EPB41L2: variants seen among roughly 807,000 people sequenced by gnomAD.
EPB41L2 encodes band 4.1-like protein 2.
A neutral mutation model predicts 113.0 loss-of-function variants in EPB41L2; 43 were observed. That is an observed-to-expected ratio of 0.38 (90% CI 0.30 to 0.49). The LOEUF (loss-of-function observed/expected upper bound fraction) is 0.49, where lower values mean the gene tolerates loss of function less well. EPB41L2 is among the 20% of genes least tolerant of loss of function. EPB41L2 has a pLI of 0.95. For missense variants in EPB41L2, 1,147 were observed against 1,223.4 expected (o/e 0.94, Z 0.93); for synonymous variants, 442 against 436.7 (o/e 1.01, Z -0.15).
At chr6:130,859,219 A>G (rs1271020563) in intron 18 of EPB41L2, among the ~76,000 whole-genome samples, 1 of 152,222 alleles carries the variant, frequency 6.6e-6, no homozygotes, top group East Asian at 1.9e-4. Flanking sequence ...GAACCCTTGA[A>G]GTCTAGGAAA....
chr6:130,915,852 T>G (rs1230457866), intron 4 of EPB41L2, among the ~76,000 whole-genome samples: 1 of 152,174 alleles, frequency 6.6e-6, no homozygotes, highest in Non-Finnish European at 1.5e-5. Context: ...ATGTAAGATG[T>G]GACTTGCTCC....
chr6:130,910,836 G>A (rs1011504550), intron 4 of EPB41L2, among the ~76,000 whole-genome samples: 54 of 152,166 alleles, frequency 3.5e-4, no homozygotes, highest in Non-Finnish European at 6.3e-4. Flanking sequence ...ACCATCTCAC[G>A]CCAGTTAGAA....
At chr6:130,929,578 A>G (rs1372799960) in intron 3 of EPB41L2, among the ~76,000 whole-genome samples, 1 of 152,192 alleles carries the variant, frequency 6.6e-6, no homozygotes, top group Non-Finnish European at 1.5e-5. Flanking sequence ...TTAAGATACC[A>G]GGGAATCAAT....
rs1038113040 is a variant in EPB41L2 at position 130,865,711 on chromosome 6, G to A, written c.2731-77C>T. On this transcript the variant is annotated intron_variant, in intron 16 of 19. Transcript: ENST00000337057. ...TGTCAGAGAAGATCCCCGCCCCATCGAATATGCATCTTTTAAAATCCATGT... is the reference window on the plus strand; with the variant it reads ...TGTCAGAGAAGATCCCCGCCCCATCAAATATGCATCTTTTAAAATCCATGT... 136 of 1,377,078 alleles carry A rather than the reference G, an allele frequency of 9.9e-5. No individual in the cohort carries two copies. The Middle Eastern group carries it at 1.3e-3, about 13-fold the overall frequency. The allele number at this position is 1,377,078 out of a possible 1,614,324, so 85.3% of individuals were successfully genotyped here. A position where few individuals can be genotyped will look rare whatever the true frequency, so the allele number is the denominator to read the frequency against.
intron 11 of EPB41L2, among the ~76,000 whole-genome samples, chr6:130,885,714 G>T (rs1241024863): frequency 3.3e-5 from 5 of 152,046 alleles, no homozygotes; most frequent in Non-Finnish European, 5.9e-5. Flanking sequence ...TTTAAGAATT[G>T]CTCCATAAAG....
chr6:130,951,432 C>A (rs1815043830), intron 3 of EPB41L2, among the ~76,000 whole-genome samples: 1 of 142,084 alleles, frequency 7.0e-6, no homozygotes, highest in African/African-American at 2.6e-5. Context: ...TCAAGTGATT[C>A]TCCTGCCTCA....
At chr6:130,993,723 G>A (rs914134896) in intron 1 of EPB41L2, among the ~76,000 whole-genome samples, 3 of 152,200 alleles carry the variant, frequency 2.0e-5, no homozygotes, top group Admixed American at 1.3e-4. Context: ...TGGGCGTGAG[G>A]AGGGAGGAGT....
intron 3 of EPB41L2, among the ~76,000 whole-genome samples, chr6:130,953,541 T>G (rs958792379): frequency 4.6e-5 from 7 of 151,926 alleles, no homozygotes; most frequent in African/African-American, 1.7e-4. Flanking sequence ...GGGGGAGGGA[T>G]AGCATTAGGA....
At chr6:131,009,646 G>T (rs1786441197) in intron 1 of EPB41L2, among the ~76,000 whole-genome samples, 1 of 147,256 alleles carries the variant, frequency 6.8e-6, no homozygotes, top group African/African-American at 2.5e-5. Context: ...TCTAAACTCT[G>T]TTTAACAAAC....
In EPB41L2 at chr6:130,867,439, C is replaced by T; in HGVS notation, c.2730+20G>A. The T allele has an allele frequency of 1.2e-6, 2 of 1,613,222 alleles. No homozygotes were observed. Among genetic ancestry groups the T allele is most frequent in the South Asian group, 1.1e-5 (1 of 90,980 alleles). ...AAGGGAAAAAAGAGCTCGAACAGTCCAAGTCTAGAGCTTTTGTACCTGTGG... is the reference window on the plus strand; with the variant it reads ...AAGGGAAAAAAGAGCTCGAACAGTCTAAGTCTAGAGCTTTTGTACCTGTGG... On this transcript the variant is annotated intron_variant, in intron 16 of 19. Coordinates refer to ENST00000337057, the MANE Select transcript of EPB41L2 (RefSeq NM_001431.4).
intron 3 of EPB41L2, among the ~76,000 whole-genome samples, chr6:130,954,036 CTTTCTTTTTTTT>C (rs1816350840): frequency 4.8e-4 from 22 of 45,526 alleles, no homozygotes; most frequent in African/African-American, 1.2e-3. Context: ...TAGTCCTTTT[CTTTCTTTTTTTT>C]TTTTTTTTTT....
At chr6:131,055,827 G>A (rs1797474604) in intron 1 of EPB41L2, among the ~76,000 whole-genome samples, 1 of 152,044 alleles carries the variant, frequency 6.6e-6, no homozygotes, top group Admixed American at 6.6e-5. Context: ...TGTGTAGTCT[G>A]TGCTGCAAAA....
chr6:131,023,499 A>C (rs1424251740), intron 1 of EPB41L2, among the ~76,000 whole-genome samples: 1 of 152,068 alleles, frequency 6.6e-6, no homozygotes, highest in Non-Finnish European at 1.5e-5. Context: ...CCTGACCAAC[A>C]TGGGGAAACC....
In EPB41L2 at chr6:130,865,646, TG is replaced by T. The variant is rs752682279; in HGVS notation, c.2731-13del. The T allele has an allele frequency of 2.9e-5, 46 of 1,613,790 alleles. No individual in the cohort carries two copies. Among genetic ancestry groups the T allele is most frequent in the Non-Finnish European group, 3.8e-5 (45 of 1,179,770 alleles). On this transcript the variant is annotated splice_polypyrimidine_tract_variant and intron_variant, in intron 16 of 19. Transcript: ENST00000337057. ...GCCCCGCCATCAATCTTTGGATAGTTGGGGGAAAAATACAAAGTAATGCTTA... is the reference window on the plus strand; with the variant it reads ...GCCCCGCCATCAATCTTTGGATAGTTGGGGAAAAATACAAAGTAATGCTTA...
intron 1 of EPB41L2, among the ~76,000 whole-genome samples, chr6:130,987,528 A>C (rs1780849467): frequency 6.6e-6 from 1 of 152,098 alleles, no homozygotes; most frequent in Admixed American, 6.5e-5. Flanking sequence ...CCCTGTCTCT[A>C]CTAAAAATAC....
At chr6:130,987,753 A>C (rs1780912851) in intron 1 of EPB41L2, among the ~76,000 whole-genome samples, 1 of 151,940 alleles carries the variant, frequency 6.6e-6, no homozygotes, top group Admixed American at 6.6e-5. Context: ...GAGAAGAAAA[A>C]TTTAGGAGGC....
intron 1 of EPB41L2, among the ~76,000 whole-genome samples, chr6:131,027,411 G>GT (rs1345989000): frequency 6.0e-4 from 32 of 53,142 alleles, no homozygotes; most frequent in African/African-American, 3.3e-3. Context: ...AGGCAAATAA[G>GT]CTCCTTTCCA....
chr6:130,953,447 C>T (rs996276131), intron 3 of EPB41L2, among the ~76,000 whole-genome samples: 2 of 151,956 alleles, frequency 1.3e-5, no homozygotes, highest in African/African-American at 4.8e-5. Flanking sequence ...TGTTCTCACT[C>T]ACAGGTGGGA....
chr6:130,908,982 A>G lies in EPB41L2; in HGVS notation c.811-119T>C, dbSNP rs1220264772. The G allele has an allele frequency of 3.4e-5, 25 of 741,628 alleles. 1 individual carries two copies. The highest frequency in any genetic ancestry group is 4.3e-5 in the Non-Finnish European group (20 of 464,344). The allele number at this position is 741,628 out of a possible 1,614,324, so 45.9% of individuals were successfully genotyped here. On this transcript the variant is annotated intron_variant, in intron 4 of 19. Coordinates refer to ENST00000337057, the MANE Select transcript of EPB41L2 (RefSeq NM_001431.4). ...TTTTAATAAAGTATTATTCAAAGCAACTTGCACCTATCAGCATTCCACTGG... is the reference window on the plus strand; with the variant it reads ...TTTTAATAAAGTATTATTCAAAGCAGCTTGCACCTATCAGCATTCCACTGG...
Sources: allele counts gnomAD v4.1 joint callset (sites outside exome capture counted in the v4.1 genomes callset), GRCh38; gene constraint gnomAD v4.1.1; transcripts MANE v1.5; gene names NCBI Gene and HGNC (gene_info 2026-07-23, HGNC 2026-07-21).